SPECC1L: variants seen among roughly 807,000 people sequenced by gnomAD.
SPECC1L encodes cytospin-A.
In SPECC1L, 40 loss-of-function variants were observed where a neutral mutation model predicts 116.8. The observed-to-expected ratio is 0.34, with a 90% CI of 0.27 to 0.45. The LOEUF (loss-of-function observed/expected upper bound fraction) is 0.45, where lower values mean the gene tolerates loss of function less well. SPECC1L is among the 20% of genes least tolerant of loss of function. The pLI, the probability that SPECC1L is intolerant of heterozygous loss-of-function variation, is 1.00. For synonymous variants in SPECC1L, 504 were observed against 500.6 expected (o/e 1.01, Z -0.09); for missense variants, 1,110 against 1,373.6 (o/e 0.81, Z 3.03).
chr22:24,366,502 T>A (rs1262782979), intron 13 of SPECC1L, among the ~76,000 whole-genome samples: 2 of 152,124 alleles, frequency 1.3e-5, no homozygotes, highest in African/African-American at 2.4e-5. Context: ...CTGGAACTTC[T>A]TTAAAGTCAA....
chr22:24,411,578 T>C lies in SPECC1L; in HGVS notation c.3088-10T>C, dbSNP rs761054306. On this transcript the variant is annotated splice_polypyrimidine_tract_variant and intron_variant, in intron 14 of 16. Coordinates refer to ENST00000314328, the MANE Select transcript of SPECC1L (RefSeq NM_015330.6). The stretch of plus-strand genomic sequence containing the variant: ...TGTGTTGGTTACATGTTTTTCTTCC[T>C]TTCCTTCAGAATATTGACATTACAA... 2 of 1,612,772 alleles carry C rather than the reference T, an allele frequency of 1.2e-6. No individual in the cohort carries two copies. The highest frequency in any genetic ancestry group is 1.7e-6 in the Non-Finnish European group (2 of 1,178,938).
chr22:24,325,926 AT>A (rs1297763664), intron 6 of SPECC1L, among the ~76,000 whole-genome samples: 4 of 152,062 alleles, frequency 2.6e-5, no homozygotes, highest in Non-Finnish European at 5.9e-5. Flanking sequence ...CACTCCTAAC[AT>A]TTTTTGTTTG....
chr22:24,342,052 GT>G (rs1314698966), intron 10 of SPECC1L, among the ~76,000 whole-genome samples: 2 of 152,214 alleles, frequency 1.3e-5, no homozygotes, highest in Non-Finnish European at 2.9e-5. Context: ...TAAATGGATT[GT>G]TTTAAGCCAC....
At chr22:24,365,745 G>T in intron 13 of SPECC1L, 113 bp downstream of exon 13, 3 of 1,265,676 alleles carry the variant, frequency 2.4e-6, no homozygotes, top group Admixed American at 1.8e-5. Flanking sequence ...TTCTTTTTCT[G>T]TGTGTTGTTT....
intron 2 of SPECC1L, among the ~76,000 whole-genome samples, chr22:24,288,327 T>C (rs1261872418): frequency 6.6e-6 from 1 of 152,126 alleles, no homozygotes; most frequent in Non-Finnish European, 1.5e-5. Flanking sequence ...ACACACTCAC[T>C]GTCTGTAGCA....
intron 14 of SPECC1L, among the ~76,000 whole-genome samples, chr22:24,383,867 G>A (rs901390299): frequency 4.4e-5 from 6 of 135,070 alleles, no homozygotes; most frequent in African/African-American, 5.9e-5. Flanking sequence ...TGTCCAGGCT[G>A]GTCTCGAACT....
At chr22:24,371,204 T>C (rs554564597) in intron 14 of SPECC1L, among the ~76,000 whole-genome samples, 13 of 152,208 alleles carry the variant, frequency 8.5e-5, no homozygotes, top group Admixed American at 3.3e-4. Context: ...CCTAAAGACA[T>C]TATACAACAC....
At chr22:24,341,151 C>G (rs1326895963) in intron 10 of SPECC1L, among the ~76,000 whole-genome samples, 1 of 151,962 alleles carries the variant, frequency 6.6e-6, no homozygotes, top group Non-Finnish European at 1.5e-5. Context: ...AAGGAGAAGG[C>G]GACTGCTCGA....
At chr22:24,349,165 C>T (rs567707730) in intron 11 of SPECC1L, among the ~76,000 whole-genome samples, 5 of 152,130 alleles carry the variant, frequency 3.3e-5, no homozygotes, top group African/African-American at 9.7e-5. Flanking sequence ...CTCAGCCTCC[C>T]GAGTAGCTGG....
At chr22:24,331,539 A>G (rs1410645131) in intron 8 of SPECC1L, among the ~76,000 whole-genome samples, 3 of 152,218 alleles carry the variant, frequency 2.0e-5, no homozygotes, top group African/African-American at 7.2e-5. Flanking sequence ...TTGGATCTCA[A>G]AAATTCATAA....
chr22:24,341,664 T>C (rs2041178937), intron 10 of SPECC1L, among the ~76,000 whole-genome samples: 1 of 152,194 alleles, frequency 6.6e-6, no homozygotes, highest in Non-Finnish European at 1.5e-5. Context: ...TCCTGTTGAG[T>C]GTTGGCTGCA....
intron 4 of SPECC1L, among the ~76,000 whole-genome samples, chr22:24,317,809 G>A (rs1186420372): frequency 6.6e-6 from 1 of 150,988 alleles, no homozygotes; most frequent in Non-Finnish European, 1.5e-5. Flanking sequence ...CTCAGACAGG[G>A]CGGTTGCCAG....
At chr22:24,329,837 C>G (rs2298379) in intron 7 of SPECC1L, among the ~76,000 whole-genome samples, 7,042 of 151,630 alleles carry the variant, frequency 0.046, 359 homozygotes, top group South Asian at 0.14. Flanking sequence ...TGATGTCAGG[C>G]TATTTATAGT....
chr22:24,287,820 C>T (rs1442399234), intron 2 of SPECC1L, among the ~76,000 whole-genome samples: 4 of 152,068 alleles, frequency 2.6e-5, no homozygotes, highest in Non-Finnish European at 4.4e-5. Flanking sequence ...AATGGGCCCT[C>T]GGGGTTTAGT....
At chr22:24,368,991 A>G (rs771421897) in intron 13 of SPECC1L, among the ~76,000 whole-genome samples, 1 of 152,140 alleles carries the variant, frequency 6.6e-6, no homozygotes, top group African/African-American at 2.4e-5. Flanking sequence ...GCCACTTTCC[A>G]TGTGGGTGAT....
intron 4 of SPECC1L, among the ~76,000 whole-genome samples, chr22:24,318,537 G>A (rs577331945): frequency 6.6e-6 from 1 of 152,144 alleles, no homozygotes; most frequent in South Asian, 2.1e-4. Flanking sequence ...GAGAGGGAGA[G>A]CCAGATTTTC....
At position 24,327,872 on chromosome 22, in the gene SPECC1L, A is replaced by G. The variant is rs1310551403; in HGVS notation, c.2147-974A>G. On this transcript the variant is annotated intron_variant, in intron 6 of 16. Transcript: ENST00000314328. ...GTAATATTGGCGGCAACATGGTACA[A>G]GGCTGTGTAAGACACACTTGGAACA... 2.0e-5 allele frequency among the ~76,000 whole-genome samples: 3 copies of G among 152,354 alleles called. No homozygotes were observed. In the East Asian group the frequency reaches 5.8e-4, roughly 29 times the overall value.
chr22:24,329,901 G>A (rs919381220), intron 7 of SPECC1L, among the ~76,000 whole-genome samples: 1 of 151,748 alleles, frequency 6.6e-6, no homozygotes, highest in African/African-American at 2.4e-5. Context: ...CTTTTCAGAG[G>A]TAAACATCCA....
In SPECC1L at chr22:24,276,735, A is replaced by T. The variant is rs1356347394; in HGVS notation, c.-106A>T. 2.2e-6 allele frequency: 1 copy of T among 453,290 alleles called. No homozygotes were observed. The highest frequency in any genetic ancestry group is 4.4e-6 in the Non-Finnish European group (1 of 226,544). 28.1% of individuals were successfully genotyped at this position (453,290 alleles called of 1,614,324 possible). A position where few individuals can be genotyped will look rare whatever the true frequency, so the allele number is the denominator to read the frequency against. On this transcript the variant is annotated 5_prime_UTR_variant, in exon 2 of 17. Transcript: ENST00000314328. ...GAAGATCCCGACTAAGCCATTTTCC[A>T]GTGGCACCTCTTCCATCATGAGTTC... is the stretch of plus-strand genomic sequence containing the variant.
Sources: allele counts gnomAD v4.1 joint callset (sites outside exome capture counted in the v4.1 genomes callset), GRCh38; gene constraint gnomAD v4.1.1; transcripts MANE v1.5; gene names NCBI Gene and HGNC (gene_info 2026-07-23, HGNC 2026-07-21).